BIRC6: variants seen among roughly 807,000 people sequenced by gnomAD.
The protein encoded by BIRC6 is baculoviral IAP repeat containing 6.
BIRC6 carries 98 observed loss-of-function variants against 503.3 expected under a neutral mutation model. That is an observed-to-expected ratio of 0.19 (90% CI 0.17 to 0.23). The LOEUF is 0.23. Among genes scored for constraint, BIRC6 ranks in the 10% least tolerant of loss-of-function variants. The probability of loss-of-function intolerance (pLI) is 1.00; values close to 1 mark genes in which losing one functional copy is unlikely to be tolerated. For synonymous variants in BIRC6, 2,240 were observed against 2,078.7 expected, an observed-to-expected ratio of 1.08 and a Z score of -2.11; for missense variants, 5,360 against 5,806.0, an observed-to-expected ratio of 0.92 and a Z score of 2.50.
At chr2:32,469,844 G>T (rs2048934148) in intron 30 of BIRC6, among the ~76,000 whole-genome samples, 1 of 152,150 alleles carries the variant, frequency 6.6e-6, no homozygotes, top group African/African-American at 2.4e-5. Context: ...GGACTTCATA[G>T]ATCTGTGTTT....
intron 5 of BIRC6, 55 bp from the exon 6 acceptor site, chr2:32,395,456 A>T (rs1186810326): frequency 1.5e-6 from 2 of 1,309,696 alleles, no homozygotes; most frequent in African/African-American, 3.0e-5. Flanking sequence ...TTTTATTATA[A>T]AGCTATTTTA....
chr2:32,504,245 C>CT (rs2053552475), intron 49 of BIRC6, among the ~76,000 whole-genome samples: 1 of 151,818 alleles, frequency 6.6e-6, no homozygotes, highest in Non-Finnish European at 1.5e-5. Flanking sequence ...TAGGTATTTA[C>CT]TTTTTTATCT....
intron 57 of BIRC6, among the ~76,000 whole-genome samples, chr2:32,523,700 A>G (rs2055978514): frequency 6.6e-6 from 1 of 152,180 alleles, no homozygotes; most frequent in African/African-American, 2.4e-5. Context: ...TTATTGTTTT[A>G]TTGTCTCAAC....
In BIRC6 at chr2:32,518,239, A is replaced by G; in HGVS notation, c.11350-15A>G. ...AAATCTTGCATTTAACTTTTTAAAT[A>G]TTTTGTCTTGCCAGGTTCTTTGTGA... On this transcript the variant is annotated splice_polypyrimidine_tract_variant and intron_variant, in intron 55 of 73. Coordinates refer to ENST00000421745, the MANE Select transcript of BIRC6 (RefSeq NM_016252.4). The G allele has an allele frequency of 6.2e-7, 1 of 1,605,816 alleles. No individual in the cohort carries two copies. Among genetic ancestry groups the G allele is most frequent in the South Asian group, 1.1e-5 (1 of 88,824 alleles).
chr2:32,421,491 T>C (rs2042953662), intron 10 of BIRC6, among the ~76,000 whole-genome samples: 1 of 152,244 alleles, frequency 6.6e-6, no homozygotes, highest in Admixed American at 6.5e-5. Context: ...TTGGAAGCAC[T>C]GTCTTAGTGA....
At chr2:32,389,020 A>T in intron 4 of BIRC6, 77 bp downstream of exon 4, 1 of 988,736 alleles carries the variant, frequency 1.0e-6, no homozygotes, top group Non-Finnish European at 1.3e-6. Context: ...TAACTAGAAA[A>T]TCTGGTTATG....
chr2:32,485,547 C>T, intron 39 of BIRC6, 96 bp from the exon 40 acceptor site: 1 of 753,116 alleles, frequency 1.3e-6, no homozygotes, highest in Non-Finnish European at 2.2e-6. Context: ...CACTCTTCAT[C>T]CTCTCTTGGG....
chr2:32,414,519 T>C (rs925711839), intron 9 of BIRC6, among the ~76,000 whole-genome samples: 1 of 151,922 alleles, frequency 6.6e-6, no homozygotes, highest in Non-Finnish European at 1.5e-5. Context: ...ATAGAAAAAT[T>C]AGCTGGGTGT....
chr2:32,517,022 G>T lies in BIRC6; in HGVS notation c.11350-1232G>T, dbSNP rs533880183. Among the ~76,000 whole-genome samples, 526 of 152,176 alleles carry T rather than the reference G, an allele frequency of 3.5e-3. 6 individuals carry two copies. The highest frequency in any genetic ancestry group is 0.012 in the African/African-American group (514 of 41,510). On this transcript the variant is annotated intron_variant, in intron 55 of 73. Transcript: ENST00000421745. ...ATATAATTTTTATAAAATATTGAAGGAGTTAGTTTTATTAAGAAGAAGGGC... is the reference window on the plus strand; with the variant it reads ...ATATAATTTTTATAAAATATTGAAGTAGTTAGTTTTATTAAGAAGAAGGGC...
At chr2:32,429,861 G>A (rs74986178) in intron 11 of BIRC6, among the ~76,000 whole-genome samples, 5,078 of 152,194 alleles carry the variant, frequency 0.033, 186 homozygotes, top group African/African-American at 0.093. Flanking sequence ...GTTAACCAAG[G>A]TGTCTTGGTT....
intron 71 of BIRC6, among the ~76,000 whole-genome samples, chr2:32,607,107 TAA>T (rs200315273): frequency 5.4e-5 from 8 of 148,286 alleles, no homozygotes; most frequent in African/African-American, 1.7e-4. Flanking sequence ...ATAAAACAAC[TAA>T]AAAAAAAATA....
intron 10 of BIRC6, among the ~76,000 whole-genome samples, chr2:32,426,343 C>T (rs2043490761): frequency 6.6e-6 from 1 of 152,380 alleles, no homozygotes; most frequent in African/African-American, 2.4e-5. Flanking sequence ...TGGCTTACGC[C>T]TGTAATCCCA....
intron 8 of BIRC6, among the ~76,000 whole-genome samples, chr2:32,404,014 G>A (rs2040898577): frequency 6.7e-6 from 1 of 149,762 alleles, no homozygotes; most frequent in Non-Finnish European, 1.5e-5. Context: ...AGCAACCTCT[G>A]CCTCCCAGGT....
intron 20 of BIRC6, among the ~76,000 whole-genome samples, chr2:32,445,146 G>T (rs1179891066): frequency 6.6e-6 from 1 of 152,174 alleles, no homozygotes; most frequent in African/African-American, 2.4e-5. Flanking sequence ...CAGTATGTTG[G>T]TAAGGATGAT....
rs2033159894 is a variant in BIRC6, at chr2:32,357,066, G to A, written c.-96G>A. 2.7e-6 allele frequency: 3 copies of A among 1,122,508 alleles called. No individual in the cohort carries two copies. The allele number at this position is 1,122,508 out of a possible 1,614,324, so 69.5% of individuals were successfully genotyped here. ...CCCTCTCCCGTCAGCCTCCCTCCGA[G>A]TTTGGCCCCTCCGGCCGGGCGATCG... On this transcript the variant is annotated 5_prime_UTR_variant, in exon 1 of 74. Transcript: ENST00000421745. The surrounding 1 kb of genome is among the most constrained non-coding windows in gnomAD (Gnocchi z 4.9).
intron 68 of BIRC6, among the ~76,000 whole-genome samples, chr2:32,595,369 A>G (rs2061615561): frequency 1.3e-5 from 2 of 152,362 alleles, no homozygotes; most frequent in South Asian, 4.1e-4. Context: ...CCTAGAAAAA[A>G]TAAATCCAAG....
At position 32,540,238 on chromosome 2, in the gene BIRC6, G is replaced by T. The variant is rs184472770; in HGVS notation, c.12292-3003G>T. ...CAATTTAAACTGAAACTCATTTTTTGTTCTTAAATTGGAGCATTTGACTAC... is the reference window on the plus strand; with the variant it reads ...CAATTTAAACTGAAACTCATTTTTTTTTCTTAAATTGGAGCATTTGACTAC... On this transcript the variant is annotated intron_variant, in intron 61 of 73. Transcript: ENST00000421745. 8.5e-3 allele frequency among the ~76,000 whole-genome samples: 1,288 copies of T among 151,990 alleles called. 9 individuals carry two copies. Among genetic ancestry groups the T allele is most frequent in the Middle Eastern group, 0.02 (6 of 294 alleles).
chr2:32,439,617 A>G lies in BIRC6; in HGVS notation c.3741A>G (p.Pro1247=), dbSNP rs770152454. 6.2e-7 allele frequency: 1 copy of G among 1,613,986 alleles called. No homozygotes were observed. The highest frequency in any genetic ancestry group is 8.5e-7 in the Non-Finnish European group (1 of 1,179,874). ...GTATGCGTCCTGTAGTAAGGCTTCC[A>G]TCCCTAAAACACCAGAGTAACAAGG... ...NGGMRPVVRL[P]SLKHQSNKGY... is the part of the protein sequence containing the mutation. The change falls in exon 16 of 74, where the codon CCA becomes CCG. Residue 1247 remains proline, a synonymous_variant. Coordinates refer to ENST00000421745, the MANE Select transcript of BIRC6 (RefSeq NM_016252.4).
In BIRC6 at chr2:32,525,024, GCTTT is replaced by G. The variant is rs763810700; in HGVS notation, c.11755+8_11755+11del. 4.0e-6 allele frequency: 6 copies of G among 1,505,262 alleles called. No individual in the cohort carries two copies. The Admixed American group carries it at 7.8e-5, about 20-fold the overall frequency. 93.2% of individuals were successfully genotyped at this position (1,505,262 alleles called of 1,614,324 possible). On this transcript the variant is annotated splice_donor_region_variant and intron_variant, in intron 58 of 73. Transcript: ENST00000421745. ...ACAGTGTTGTTGTTGCCTCTGGTATGCTTTCTATTTTTTATAATCTTGATTTTGT... is the reference window on the plus strand; with the variant it reads ...ACAGTGTTGTTGTTGCCTCTGGTATGCTATTTTTTATAATCTTGATTTTGT...
Sources: gnomAD v4.1 joint callset for allele counts (sites outside exome capture counted in the v4.1 genomes callset) on GRCh38, gnomAD v4.1.1 for gene constraint, Gnocchi (gnomAD v3.1) non-coding constraint, MANE v1.5 for transcripts, NCBI Gene and HGNC (gene_info 2026-07-23, HGNC 2026-07-21) for gene names.